DTNBP1: variants seen among roughly 807,000 people sequenced by gnomAD.
DTNBP1 encodes the protein dystrobrevin binding protein 1.
In DTNBP1, 35 loss-of-function variants were observed where a neutral mutation model predicts 42.8. The ratio of observed to expected loss-of-function variants is 0.82; its 90% CI spans 0.63 to 1.09. The LOEUF (loss-of-function observed/expected upper bound fraction) is 1.09. DTNBP1 is among the 50% of genes least tolerant of loss of function. The pLI is 0.00. For missense variants in DTNBP1, 457 were observed against 424.2 expected (o/e 1.08, Z -0.68); for synonymous variants, 171 against 162.2 (o/e 1.05, Z -0.41).
At chr6:15,597,868 T>C (rs929954024) in intron 6 of DTNBP1, among the ~76,000 whole-genome samples, 9 of 152,350 alleles carry the variant, frequency 5.9e-5, no homozygotes, top group Non-Finnish European at 7.3e-5. Context: ...TTGATAAAGT[T>C]TGATCAAATA....
At chr6:15,617,988 A>AT (rs1758811662) in intron 5 of DTNBP1, among the ~76,000 whole-genome samples, 1 of 152,158 alleles carries the variant, frequency 6.6e-6, no homozygotes. Flanking sequence ...ACAAGGGATT[A>AT]ATATCCTTTC....
At chr6:15,617,136 A>C (rs1758761045) in intron 5 of DTNBP1, among the ~76,000 whole-genome samples, 1 of 152,148 alleles carries the variant, frequency 6.6e-6, no homozygotes, top group African/African-American at 2.4e-5. Flanking sequence ...CTGAGGCAGG[A>C]GGATTGCTTG....
intron 3 of DTNBP1, among the ~76,000 whole-genome samples, chr6:15,648,825 T>C (rs1237293526): frequency 2.0e-5 from 3 of 152,062 alleles, no homozygotes; most frequent in Non-Finnish European, 4.4e-5. Context: ...CCAGATTCAA[T>C]TTAATCCCAA....
chr6:15,593,123 A>T (rs1407242181), intron 6 of DTNBP1, 42 bp from the exon 7 acceptor site: 1 of 1,521,730 alleles, frequency 6.6e-7, no homozygotes, highest in Non-Finnish European at 8.9e-7. Flanking sequence ...TGCAAATTAA[A>T]AATCTCCCCA....
At chr6:15,564,574 AT>A (rs200204696) in intron 7 of DTNBP1, among the ~76,000 whole-genome samples, 1,905 of 152,062 alleles carry the variant, frequency 0.013, 25 homozygotes, top group Non-Finnish European at 0.02. Context: ...CTCCTGGCTA[AT>A]TTTTGTATTT....
Position 15,545,124 on chromosome 6 carries a change from C to T in DTNBP1, c.512-11729G>A, listed in dbSNP as rs1403216269. 3.9e-5 allele frequency among the ~76,000 whole-genome samples: 6 copies of T among 152,200 alleles called. No homozygotes were observed. The East Asian group carries it at 1.2e-3, about 29-fold the overall frequency. On this transcript the variant is annotated intron_variant, in intron 7 of 9. Transcript: ENST00000344537. Reference sequence around the variant, plus strand: ...AACAATTTTTAAAGTCTCCCAATCTCCTGCCCCCACTTAAACAAATGAATA... The same window carrying T: ...AACAATTTTTAAAGTCTCCCAATCTTCTGCCCCCACTTAAACAAATGAATA...
chr6:15,527,208 T>C (rs1176203989), intron 8 of DTNBP1, among the ~76,000 whole-genome samples: 2 of 152,228 alleles, frequency 1.3e-5, no homozygotes, highest in Non-Finnish European at 2.9e-5. Flanking sequence ...AAACTTCTAT[T>C]TTTGGTTACG....
chr6:15,645,483 A>G (rs1581431037), intron 3 of DTNBP1, among the ~76,000 whole-genome samples: 1 of 151,974 alleles, frequency 6.6e-6, no homozygotes, highest in East Asian at 1.9e-4. Context: ...ATGACATAAC[A>G]AAAAAAGAAA....
At chr6:15,628,405 T>A (rs906832267) in intron 4 of DTNBP1, among the ~76,000 whole-genome samples, 1 of 142,596 alleles carries the variant, frequency 7.0e-6, no homozygotes, top group Non-Finnish European at 1.5e-5. Context: ...GTTCTTTTTT[T>A]TTTTTTTTTT....
In DTNBP1 at chr6:15,523,286, C is replaced by T. The variant is rs1401925661; in HGVS notation, c.812-67G>A. On this transcript the variant is annotated intron_variant, in intron 9 of 9. Coordinates refer to ENST00000344537, the MANE Select transcript of DTNBP1 (RefSeq NM_032122.5). ...TATTGTGAATCAGAATTGCCGCCAA[C>T]AGCTGTGGAATGTGCCCGTCATGAA... 5.0e-6 allele frequency: 8 copies of T among 1,598,096 alleles called. No individual in the cohort carries two copies. The East Asian group carries it at 1.6e-4, about 31-fold the overall frequency.
chr6:15,662,259 G>C (rs1026275424), intron 1 of DTNBP1, among the ~76,000 whole-genome samples: 10 of 152,268 alleles, frequency 6.6e-5, no homozygotes, highest in African/African-American at 2.4e-4. Context: ...AGGACGCAAC[G>C]GGGAGGGGCG....
intron 7 of DTNBP1, among the ~76,000 whole-genome samples, chr6:15,539,480 T>C (rs1387429587): frequency 6.6e-6 from 1 of 152,208 alleles, no homozygotes; most frequent in Non-Finnish European, 1.5e-5. Context: ...CTGTGTGCGC[T>C]CATTGGGATG....
chr6:15,586,109 T>C, intron 7 of DTNBP1: 1 of 958,154 alleles, frequency 1.0e-6, no homozygotes, highest in Admixed American at 5.4e-5. Flanking sequence ...ATTTGTCATC[T>C]AGGTACAAAG....
chr6:15,532,336 G>A (rs1192124841), intron 8 of DTNBP1, among the ~76,000 whole-genome samples: 1 of 152,204 alleles, frequency 6.6e-6, no homozygotes, highest in African/African-American at 2.4e-5. Context: ...TAATCAGCTT[G>A]TTCCTTACAG....
intron 7 of DTNBP1, among the ~76,000 whole-genome samples, chr6:15,590,645 C>T (rs930158221): frequency 2.0e-5 from 3 of 152,128 alleles, no homozygotes; most frequent in Non-Finnish European, 4.4e-5. Flanking sequence ...TGAGTGATGT[C>T]ACTAAAAATT....
intron 7 of DTNBP1, among the ~76,000 whole-genome samples, chr6:15,544,979 G>A (rs1430409328): frequency 1.3e-5 from 2 of 152,150 alleles, no homozygotes; most frequent in Non-Finnish European, 2.9e-5. Flanking sequence ...CTGAGGACTT[G>A]TTAGACAATG....
intron 5 of DTNBP1, among the ~76,000 whole-genome samples, chr6:15,618,338 T>C (rs1758830962): frequency 6.6e-6 from 1 of 151,976 alleles, no homozygotes; most frequent in African/African-American, 2.4e-5. Context: ...GAATAGCTAT[T>C]GCCACATGGA....
intron 8 of DTNBP1, among the ~76,000 whole-genome samples, chr6:15,528,147 G>A (rs149796352): frequency 8.5e-5 from 13 of 152,182 alleles, no homozygotes; most frequent in Non-Finnish European, 1.9e-4. Context: ...TTATACCAAC[G>A]GACAAGACCC....
In DTNBP1 at chr6:15,615,398, A is replaced by T. The variant is rs1285572595; in HGVS notation, c.357T>A (p.Thr119=). The stretch of plus-strand genomic sequence containing the variant: ...CCTCCTCAAAACTCGCCTCTAAATG[A>T]GCTGAAAGTATATAAAAATAAACAG... ...ADLESMTANL[T]HLEASFEEVE... is the part of the protein sequence containing the mutation. Residue 119 remains threonine (T), a splice_region_variant and synonymous_variant, in exon 6 of 10, where the codon ACT becomes ACA. Transcript: ENST00000344537. 1.9e-6 allele frequency: 3 copies of T among 1,613,880 alleles called. No individual in the cohort carries two copies. The highest frequency in any genetic ancestry group is 2.5e-6 in the Non-Finnish European group (3 of 1,180,026).
Sources: allele counts gnomAD v4.1 joint callset (sites outside exome capture counted in the v4.1 genomes callset), GRCh38; gene constraint gnomAD v4.1.1; transcripts MANE v1.5; gene names NCBI Gene and HGNC (gene_info 2026-07-23, HGNC 2026-07-21).